Variants in ZBTB20 observed in about 807,000 individuals in gnomAD.
The protein encoded by ZBTB20 is zinc finger and BTB domain containing 20.
ZBTB20 carries 9 observed loss-of-function variants against 56.9 expected under a neutral mutation model. The ratio of observed to expected loss-of-function variants is 0.16; its 90% CI spans 0.10 to 0.28. The LOEUF (loss-of-function observed/expected upper bound fraction) is 0.28, where lower values mean the gene tolerates loss of function less well. Ranked by LOEUF, ZBTB20 falls within the 10% of genes least tolerant of loss-of-function variation. The probability of loss-of-function intolerance (pLI) is 1.00; values close to 1 mark genes in which losing one functional copy is unlikely to be tolerated. For missense variants in ZBTB20, 655 were observed against 1,003.0 expected (o/e 0.65, Z 4.69); for synonymous variants, 417 against 420.7 (o/e 0.99, Z 0.11).
intron 2 of ZBTB20, among the ~76,000 whole-genome samples, chr3:115,054,158 GA>G (rs2081662031): frequency 6.6e-6 from 1 of 151,796 alleles, no homozygotes; most frequent in African/African-American, 2.4e-5. Context: ...AACTTATGAA[GA>G]AACAAACTAT....
intron 1 of ZBTB20, among the ~76,000 whole-genome samples, chr3:115,126,803 TG>T (rs1443777892): frequency 5.3e-5 from 8 of 152,214 alleles, no homozygotes; most frequent in Admixed American, 5.2e-4. Context: ...TGTAAGGAAA[TG>T]TGAGTTTTGA....
In ZBTB20 at chr3:114,418,521, A is replaced by G. The variant is rs141144353; in HGVS notation, c.-254-29416T>C. On this transcript the variant is annotated intron_variant, in intron 7 of 11. Transcript: ENST00000675478. ...GAAACTAGCCTTATCATAAGAAAAA[A>G]TGGAATAGATTTCAATAGAGTTATA... 2.8e-3 allele frequency among the ~76,000 whole-genome samples: 433 copies of G among 152,126 alleles called. 6 individuals are homozygous for G. Among genetic ancestry groups the G allele is most frequent in the Admixed American group, 0.022 (338 of 15,248 alleles).
intron 5 of ZBTB20, among the ~76,000 whole-genome samples, chr3:114,787,282 A>T (rs968450494): frequency 1.4e-5 from 2 of 148,104 alleles, no homozygotes; most frequent in African/African-American, 5.1e-5. Flanking sequence ...CCCAGCCATG[A>T]ATGAGTCTTA....
intron 5 of ZBTB20, among the ~76,000 whole-genome samples, chr3:114,714,917 A>G (rs1349967570): frequency 4.6e-5 from 7 of 152,212 alleles, no homozygotes; most frequent in East Asian, 3.9e-4. Context: ...TTTAGAAGAC[A>G]TTGTTTTGTT....
At chr3:115,052,228 G>A (rs2081577925) in intron 2 of ZBTB20, among the ~76,000 whole-genome samples, 1 of 152,122 alleles carries the variant, frequency 6.6e-6, no homozygotes, top group South Asian at 2.1e-4. Context: ...GGAGGTGGAG[G>A]CGGGCAGATC....
intron 6 of ZBTB20, among the ~76,000 whole-genome samples, chr3:114,602,060 T>C (rs2056801284): frequency 6.6e-6 from 1 of 152,016 alleles, no homozygotes; most frequent in South Asian, 2.1e-4. Context: ...GGTCCTCATA[T>C]TTAATGAGTC....
intron 10 of ZBTB20, among the ~76,000 whole-genome samples, chr3:114,366,019 C>G (rs563390145): frequency 2.8e-4 from 42 of 152,286 alleles, no homozygotes; most frequent in African/African-American, 9.6e-4. Context: ...TAGCTTCATT[C>G]TCCCCACAAC....
intron 2 of ZBTB20, among the ~76,000 whole-genome samples, chr3:115,052,368 A>G (rs982057337): frequency 1.3e-5 from 2 of 151,984 alleles, no homozygotes; most frequent in Non-Finnish European, 2.9e-5. Context: ...GAGGCAGGAG[A>G]ATCGCTAGAA....
intron 4 of ZBTB20, among the ~76,000 whole-genome samples, chr3:114,826,289 C>A (rs1211490017): frequency 6.6e-6 from 1 of 151,614 alleles, no homozygotes; most frequent in African/African-American, 2.4e-5. Flanking sequence ...CAATGGAAAA[C>A]AACAACTTGA....
intron 7 of ZBTB20, among the ~76,000 whole-genome samples, chr3:114,489,877 C>G (rs188631309): frequency 6.6e-6 from 1 of 152,278 alleles, no homozygotes; most frequent in Admixed American, 6.5e-5. Context: ...TAAGCCATCA[C>G]GGCCACCACC....
chr3:114,656,335 A>G (rs544266762), intron 6 of ZBTB20, among the ~76,000 whole-genome samples: 39 of 152,208 alleles, frequency 2.6e-4, no homozygotes, highest in Non-Finnish European at 5.1e-4. Flanking sequence ...TTCCTCAAAT[A>G]TCATTTCTGT....
chr3:114,723,014 T>C (rs2065021496), intron 5 of ZBTB20, among the ~76,000 whole-genome samples: 1 of 152,208 alleles, frequency 6.6e-6, no homozygotes, highest in Non-Finnish European at 1.5e-5. Context: ...ATCATTCCTA[T>C]TAATGCTGGG....
intron 5 of ZBTB20, among the ~76,000 whole-genome samples, chr3:114,724,951 C>A (rs1484910034): frequency 6.6e-6 from 1 of 152,042 alleles, no homozygotes; most frequent in Non-Finnish European, 1.5e-5. Flanking sequence ...TGGAAATGAT[C>A]ATTAAAAATG....
At chr3:114,614,860 C>T (rs929265026) in intron 6 of ZBTB20, among the ~76,000 whole-genome samples, 2 of 152,088 alleles carry the variant, frequency 1.3e-5, no homozygotes, top group Non-Finnish European at 2.9e-5. Flanking sequence ...CAGTTTCAAG[C>T]GATTCTCCTG....
intron 6 of ZBTB20, among the ~76,000 whole-genome samples, chr3:114,681,549 T>C (rs1325728114): frequency 6.6e-6 from 1 of 152,232 alleles, no homozygotes; most frequent in Non-Finnish European, 1.5e-5. Context: ...CTTTTCCATT[T>C]ATTTCACATT....
chr3:114,701,857 C>T (rs1418269480), intron 5 of ZBTB20, among the ~76,000 whole-genome samples: 1 of 152,122 alleles, frequency 6.6e-6, no homozygotes, highest in East Asian at 1.9e-4. Context: ...TTGCTCTTGG[C>T]TCTGATAAAT....
intron 4 of ZBTB20, among the ~76,000 whole-genome samples, chr3:114,838,885 T>C (rs142809140): frequency 0.012 from 1,795 of 152,250 alleles, 17 homozygotes; most frequent in South Asian, 0.041. Flanking sequence ...GTCTTTAAAC[T>C]TATTTACTGA....
rs150215600 is a variant in ZBTB20 at position 114,316,196 on chromosome 3, T to C, written c.*22809A>G. 5.8e-4 allele frequency: 173 copies of C among 296,606 alleles called. 3 individuals are homozygous for C. Among genetic ancestry groups the C allele is most frequent in the Admixed American group, 3.1e-3 (56 of 18,020 alleles). 18.4% of individuals were successfully genotyped at this position (296,606 alleles called of 1,614,324 possible). ...AAAAGAAATAACTGATGAAATGGTATATAGAACATTACTGCATTCGCATCG... is the reference window on the plus strand; with the variant it reads ...AAAAGAAATAACTGATGAAATGGTACATAGAACATTACTGCATTCGCATCG... On this transcript the variant is annotated 3_prime_UTR_variant, in exon 12 of 12. Coordinates refer to ENST00000675478, the MANE Select transcript of ZBTB20 (RefSeq NM_001348800.3).
intron 2 of ZBTB20, among the ~76,000 whole-genome samples, chr3:115,043,707 A>G (rs534628006): frequency 6.6e-6 from 1 of 152,216 alleles, no homozygotes; most frequent in South Asian, 2.1e-4. Context: ...TTTGAGATAT[A>G]AAGTTTTACT....
Sources: allele counts gnomAD v4.1 joint callset (sites outside exome capture counted in the v4.1 genomes callset), GRCh38; gene constraint gnomAD v4.1.1; transcripts MANE v1.5; gene names NCBI Gene and HGNC (gene_info 2026-07-23, HGNC 2026-07-21).